SPHKAP: variants seen among roughly 807,000 people sequenced by gnomAD.
The protein encoded by SPHKAP is A-kinase anchor protein SPHKAP.
In SPHKAP, 67 loss-of-function variants were observed where a neutral mutation model predicts 137.5. The ratio of observed to expected loss-of-function variants is 0.49; its 90% CI spans 0.40 to 0.60. The LOEUF (loss-of-function observed/expected upper bound fraction) is 0.60, where lower values mean the gene tolerates loss of function less well. SPHKAP is among the 20% of genes least tolerant of loss of function. SPHKAP has a pLI of 0.00. For synonymous variants in SPHKAP, 813 were observed against 785.3 expected, an observed-to-expected ratio of 1.04 and a Z score of -0.59; for missense variants, 2,097 against 2,069.3, an observed-to-expected ratio of 1.01 and a Z score of -0.26.
intron 7 of SPHKAP, among the ~76,000 whole-genome samples, chr2:228,014,774 T>C (rs1242853906): frequency 2.6e-5 from 4 of 152,216 alleles, no homozygotes; most frequent in African/African-American, 4.8e-5. Context: ...TGAAATTTGA[T>C]GAAGGCTGTG....
intron 7 of SPHKAP, among the ~76,000 whole-genome samples, chr2:228,003,547 C>G (rs1487718297): frequency 6.6e-6 from 1 of 152,018 alleles, no homozygotes; most frequent in African/African-American, 2.4e-5. Flanking sequence ...TAATTGAATA[C>G]CTTTATTTCT....
intron 1 of SPHKAP, among the ~76,000 whole-genome samples, chr2:228,148,994 G>T (rs1016422612): frequency 4.6e-5 from 7 of 152,138 alleles, no homozygotes; most frequent in African/African-American, 7.2e-5. Flanking sequence ...TGGGTAATAC[G>T]CTGGATTTGT....
intron 1 of SPHKAP, chr2:228,172,974 G>A (rs1700629999): frequency 1.1e-6 from 1 of 914,428 alleles, no homozygotes; most frequent in Non-Finnish European, 1.3e-6. Flanking sequence ...ATGCTTAGAA[G>A]TACAATTGGA....
At chr2:228,103,367 C>T (rs1435865670) in intron 3 of SPHKAP, among the ~76,000 whole-genome samples, 1 of 152,192 alleles carries the variant, frequency 6.6e-6, no homozygotes, top group Non-Finnish European at 1.5e-5. Context: ...ACTCAACTGC[C>T]TTGCTTTATT....
chr2:228,165,437 T>A (rs1700396462), intron 1 of SPHKAP, among the ~76,000 whole-genome samples: 1 of 152,214 alleles, frequency 6.6e-6, no homozygotes, highest in African/African-American at 2.4e-5. Flanking sequence ...TTTCATACAT[T>A]CAGTTGAAAT....
At position 228,131,947 on chromosome 2, in the gene SPHKAP, T is replaced by A. The variant is rs151228774; in HGVS notation, c.138+33A>T. 9.9e-4 allele frequency: 1,592 copies of A among 1,601,074 alleles called. 19 individuals carry two copies. The East Asian group carries it at 0.015, about 15-fold the overall frequency. Reference sequence around the variant, plus strand: ...AATTAAATGAATATTCAAGTTCAACTGACAAGAAGAAAGTGGCGTAAGGCA... The same window carrying A: ...AATTAAATGAATATTCAAGTTCAACAGACAAGAAGAAAGTGGCGTAAGGCA... On this transcript the variant is annotated intron_variant, in intron 2 of 11. Transcript: ENST00000392056.
chr2:228,020,501 A>G (rs187072616), intron 6 of SPHKAP, among the ~76,000 whole-genome samples: 19 of 152,284 alleles, frequency 1.2e-4, no homozygotes, highest in African/African-American at 4.6e-4. Context: ...TCTCACTCAT[A>G]GGTGGGAATT....
intron 3 of SPHKAP, chr2:228,027,984 GA>G (rs988055768): frequency 1.2e-6 from 1 of 825,606 alleles, no homozygotes; most frequent in African/African-American, 2.0e-5. Context: ...AAAGAAAAAA[GA>G]AAAAAAGAAA....
chr2:228,021,597 T>G (rs1179102502), intron 6 of SPHKAP, 114 bp downstream of exon 6: 7 of 1,264,732 alleles, frequency 5.5e-6, no homozygotes, highest in Admixed American at 2.3e-5. Context: ...ATTCAGCAAG[T>G]AAAGACTGTG....
Position 228,015,353 on chromosome 2 carries a change from G to A in SPHKAP, c.4448+1053C>T, listed in dbSNP as rs1694540373. 3.3e-5 allele frequency among the ~76,000 whole-genome samples: 5 copies of A among 151,590 alleles called. No homozygotes were observed. The South Asian group carries it at 1.0e-3, about 32-fold the overall frequency. On this transcript the variant is annotated intron_variant, in intron 7 of 11. Transcript: ENST00000392056. ...ACATTTGGGTTGGTTCCAAGTCTTTGCTATTGTGAATAGTGCTGCAATAAA... is the reference window on the plus strand; with the variant it reads ...ACATTTGGGTTGGTTCCAAGTCTTTACTATTGTGAATAGTGCTGCAATAAA...
chr2:228,106,050 T>C (rs906870684), intron 3 of SPHKAP, among the ~76,000 whole-genome samples: 1 of 152,158 alleles, frequency 6.6e-6, no homozygotes, highest in Non-Finnish European at 1.5e-5. Context: ...CACTAAGACT[T>C]CTTATATTAA....
chr2:228,102,336 C>T (rs533128608), intron 3 of SPHKAP, among the ~76,000 whole-genome samples: 26 of 151,986 alleles, frequency 1.7e-4, no homozygotes, highest in Non-Finnish European at 3.1e-4. Context: ...GTTTCTGCAG[C>T]TGCATGATAC....
At chr2:228,066,429 G>C (rs189247048) in intron 3 of SPHKAP, among the ~76,000 whole-genome samples, 1 of 152,118 alleles carries the variant, frequency 6.6e-6, no homozygotes, top group South Asian at 2.1e-4. Flanking sequence ...GTCTCACCTT[G>C]ACACAAGGTA....
intron 3 of SPHKAP, among the ~76,000 whole-genome samples, chr2:228,077,932 G>A (rs1697236472): frequency 6.6e-6 from 1 of 152,166 alleles, no homozygotes; most frequent in African/African-American, 2.4e-5. Context: ...ATGGGAGCGG[G>A]TCTTTCCTGC....
chr2:228,121,576 A>G (rs80205903), intron 2 of SPHKAP, among the ~76,000 whole-genome samples: 2,885 of 152,282 alleles, frequency 0.019, 44 homozygotes, highest in Non-Finnish European at 0.023. Context: ...CTTCTTGGGA[A>G]AAAGCTACAG....
chr2:227,997,190 C>T (rs973345013), intron 7 of SPHKAP, among the ~76,000 whole-genome samples: 2 of 152,178 alleles, frequency 1.3e-5, no homozygotes, highest in Admixed American at 6.5e-5. Flanking sequence ...TGTGGGCTCC[C>T]CCTGCTTATC....
chr2:228,053,778 GTATTT>G (rs1282010408), intron 3 of SPHKAP, among the ~76,000 whole-genome samples: 1 of 152,238 alleles, frequency 6.6e-6, no homozygotes, highest in East Asian at 1.9e-4. Flanking sequence ...GTCTTGTAAT[GTATTT>G]AGCATTCTTA....
intron 3 of SPHKAP, among the ~76,000 whole-genome samples, chr2:228,074,513 G>T (rs1330689242): frequency 6.6e-6 from 1 of 152,074 alleles, no homozygotes; most frequent in Non-Finnish European, 1.5e-5. Flanking sequence ...TATAAAATCA[G>T]ATCTCGTGAG....
intron 3 of SPHKAP, among the ~76,000 whole-genome samples, chr2:228,106,086 T>C (rs1698336935): frequency 6.6e-6 from 1 of 152,150 alleles, no homozygotes; most frequent in Admixed American, 6.6e-5. Context: ...GGTTTCCCAC[T>C]GAAGAAATGA....
Sources: gnomAD v4.1 joint callset for allele counts (sites outside exome capture counted in the v4.1 genomes callset) on GRCh38, gnomAD v4.1.1 for gene constraint, MANE v1.5 for transcripts, NCBI Gene and HGNC (gene_info 2026-07-23, HGNC 2026-07-21) for gene names.